FANCA: variants seen among roughly 807,000 people sequenced by gnomAD.
FANCA encodes Fanconi anemia group A protein.
In FANCA, 236 loss-of-function variants were observed where a neutral mutation model predicts 194.3. The ratio of observed to expected loss-of-function variants is 1.21; its 90% CI spans 1.09 to 1.35. FANCA has a LOEUF of 1.35. Among genes scored for constraint, FANCA ranks in the 40% most tolerant of loss-of-function variants. The pLI is 0.00. For missense variants in FANCA, 2,628 were observed against 1,813.9 expected (o/e 1.45, Z -8.15); for synonymous variants, 1,014 against 715.8 (o/e 1.42, Z -6.65).
intron 3 of FANCA, among the ~76,000 whole-genome samples, chr16:89,814,187 C>T (rs887555980): frequency 1.8e-4 from 28 of 152,164 alleles, no homozygotes; most frequent in African/African-American, 4.8e-4. Context: ...ATTGTTCTCC[C>T]GTCTGCTCTC....
Position 89,744,964 on chromosome 16 carries a change from G to A in FANCA, c.3621C>T (p.Ala1207=), listed in dbSNP as rs1269626015. Residue 1207 remains alanine, a synonymous_variant, in exon 36 of 43, where the codon GCC becomes GCT. Coordinates refer to ENST00000389301, the MANE Select transcript of FANCA (RefSeq NM_000135.4). ...ATCTCACCACCCACACGTACTCGCT[G>A]GCAAACTGCCGGCCTTCTTGTAGCT... is the stretch of plus-strand genomic sequence containing the variant. The part of the protein sequence containing the change: ...LQKLQEGRQF[A]SDFLSPEAAS... 1.9e-6 allele frequency: 3 copies of A among 1,611,732 alleles called. No individual in the cohort carries two copies. Among genetic ancestry groups the A allele is most frequent in the East Asian group, 2.2e-5 (1 of 44,864 alleles).
rs182840369 is a variant in FANCA at position 89,764,262 on chromosome 16, G to C, written c.2778+628C>G. 2.0e-5 allele frequency among the ~76,000 whole-genome samples: 3 copies of C among 152,284 alleles called. No homozygotes were observed. In the East Asian group the frequency reaches 5.8e-4, roughly 29 times the overall value. On this transcript the variant is annotated intron_variant, in intron 28 of 42. Coordinates refer to ENST00000389301, the MANE Select transcript of FANCA (RefSeq NM_000135.4). ...TCAGTAAAAATAAAAAAAGAAGTTCGTGTTGGGAGAAACTGAGAAAGTATA... is the reference window on the plus strand; with the variant it reads ...TCAGTAAAAATAAAAAAAGAAGTTCCTGTTGGGAGAAACTGAGAAAGTATA...
chr16:89,744,609 C>CA (rs2062202766), intron 36 of FANCA: 1 of 363,418 alleles, frequency 2.8e-6, no homozygotes, highest in African/African-American at 2.1e-5. Context: ...GCTCCTCACT[C>CA]AGACGGGAGC....
intron 7 of FANCA, among the ~76,000 whole-genome samples, chr16:89,803,638 T>TG (rs1264180153): frequency 1.3e-5 from 2 of 151,698 alleles, no homozygotes; most frequent in East Asian, 3.9e-4. Flanking sequence ...TTTTTTTTTT[T>TG]TGTGAGACGG....
At chr16:89,801,703 C>A (rs1006549786) in intron 8 of FANCA, among the ~76,000 whole-genome samples, 1 of 152,034 alleles carries the variant, frequency 6.6e-6, no homozygotes, top group Non-Finnish European at 1.5e-5. Flanking sequence ...TCCTAGCCAA[C>A]AGAGTGAAAC....
intron 22 of FANCA, among the ~76,000 whole-genome samples, chr16:89,773,024 C>A (rs1204640043): frequency 6.6e-6 from 1 of 152,104 alleles, no homozygotes; most frequent in Non-Finnish European, 1.5e-5. Context: ...ATCATTCGTC[C>A]TACTCAGATG....
At chr16:89,770,720 T>C in intron 23 of FANCA, 86 bp from the exon 24 acceptor site, 1 of 1,196,018 alleles carries the variant, frequency 8.4e-7, no homozygotes. Context: ...GCCACAGACA[T>C]CGCAATTCTG....
chr16:89,750,501 A>AAAAAAAAC (rs1289505609), intron 31 of FANCA, among the ~76,000 whole-genome samples: 4,642 of 144,414 alleles, frequency 0.032, 186 homozygotes, highest in East Asian at 0.12. Context: ...ACAAACAAAA[A>AAAAAAAAC]AAAACAGCCA....
At chr16:89,790,615 G>C (rs2143518439) in intron 14 of FANCA, among the ~76,000 whole-genome samples, 1 of 151,868 alleles carries the variant, frequency 6.6e-6, no homozygotes, top group Middle Eastern at 3.4e-3. Context: ...TGTAATCCCA[G>C]CTACTCAGGA....
At position 89,740,002 on chromosome 16, in the gene FANCA, G is replaced by A; in HGVS notation, c.3926C>T (p.Thr1309Ile). The A allele has an allele frequency of 1.2e-6, 2 of 1,614,128 alleles. No individual in the cohort carries two copies. Among genetic ancestry groups the A allele is most frequent in the South Asian group, 1.1e-5 (1 of 91,088 alleles). ...KISWLALFQL[T>I]ESDLRLGRLL... The stretch of plus-strand genomic sequence containing the variant: ...AGCAGCGTGTTTCTTACCACTCTCT[G>A]TCAACTGAAAGAGTGCCAGCCAGGA... The change falls in exon 39 of 43, where the codon ACA becomes ATA. Residue 1309 changes from threonine to isoleucine, a missense_variant. By Grantham distance (89) the Thr-to-Ile change is moderately conservative. Transcript: ENST00000389301.
intron 8 of FANCA, among the ~76,000 whole-genome samples, chr16:89,800,761 T>C (rs2040418413): frequency 6.6e-6 from 1 of 152,192 alleles, no homozygotes; most frequent in Admixed American, 6.5e-5. Flanking sequence ...CCGGGAACTG[T>C]GGCCCACGCC....
rs1257557473 is a variant in FANCA, at chr16:89,739,292, A to G, written c.4011-3T>C. On this transcript the variant is annotated splice_region_variant and splice_polypyrimidine_tract_variant and intron_variant, in intron 40 of 42. Transcript: ENST00000389301. ...CTTCATGGAAGTAGGAGAGAAGACT[A>G]GAGGTAAAGACATAGTGACAAATGG... The G allele has an allele frequency of 2.5e-6, 4 of 1,614,102 alleles. No individual in the cohort carries two copies. Among genetic ancestry groups the G allele is most frequent in the Non-Finnish European group, 3.4e-6 (4 of 1,180,006 alleles).
chr16:89,775,449 C>G (rs1038312354), intron 21 of FANCA, among the ~76,000 whole-genome samples: 1 of 152,234 alleles, frequency 6.6e-6, no homozygotes, highest in African/African-American at 2.4e-5. Flanking sequence ...GAAGCCTGTA[C>G]AAACACCTCA....
At chr16:89,799,030 G>C in intron 10 of FANCA, 136 bp downstream of exon 10, 2 of 1,614,246 alleles carry the variant, frequency 1.2e-6, no homozygotes, top group Non-Finnish European at 8.5e-7. Context: ...CCTCACGCAC[G>C]TTATCGTAAC....
At chr16:89,807,689 C>A (rs915818508) in intron 6 of FANCA, among the ~76,000 whole-genome samples, 1 of 151,212 alleles carries the variant, frequency 6.6e-6, no homozygotes, top group African/African-American at 2.4e-5. Context: ...TGGAGCCCAT[C>A]CTGGCTAACA....
intron 29 of FANCA, among the ~76,000 whole-genome samples, chr16:89,759,647 G>C (rs2038883034): frequency 6.6e-6 from 1 of 152,132 alleles, no homozygotes; most frequent in African/African-American, 2.4e-5. Context: ...TGTGGTCCCA[G>C]CTACTCAGGA....
intron 8 of FANCA, among the ~76,000 whole-genome samples, chr16:89,802,615 G>A (rs1044625682): frequency 2.0e-5 from 3 of 151,846 alleles, no homozygotes; most frequent in Non-Finnish European, 4.4e-5. Flanking sequence ...ATGTTAGCCA[G>A]GATGGTCTCG....
At chr16:89,773,494 G>A (rs1424064005) in intron 21 of FANCA, 110 bp from the exon 22 acceptor site, 5 of 817,170 alleles carry the variant, frequency 6.1e-6, no homozygotes, top group Non-Finnish European at 8.2e-6. Flanking sequence ...CCAAGCTGCT[G>A]TGTGTGGCAG....
chr16:89,752,264 A>C (rs1459544021), intron 30 of FANCA, 42 bp from the exon 31 acceptor site: 1 of 1,532,290 alleles, frequency 6.5e-7, no homozygotes, highest in Non-Finnish European at 9.0e-7. Flanking sequence ...GTATCGCCTA[A>C]TAGTGCTGAA....
Sources: allele counts gnomAD v4.1 joint callset (sites outside exome capture counted in the v4.1 genomes callset), GRCh38; gene constraint gnomAD v4.1.1; transcripts MANE v1.5; gene names NCBI Gene and HGNC (gene_info 2026-07-23, HGNC 2026-07-21).